The following CA10 variants were observed in gnomAD, a reference collection of about 807,000 sequenced individuals.
The protein encoded by CA10 is carbonic anhydrase 10 (inactive).
In CA10, 14 loss-of-function variants were observed where a neutral mutation model predicts 44.2. That is an observed-to-expected ratio of 0.32 (90% CI 0.21 to 0.50). The LOEUF (loss-of-function observed/expected upper bound fraction) is 0.50. Among genes scored for constraint, CA10 ranks in the 20% least tolerant of loss-of-function variants. CA10 has a pLI of 0.99. For synonymous variants in CA10, 159 were observed against 141.6 expected (o/e 1.12, Z -0.87); for missense variants, 350 against 409.7 (o/e 0.85, Z 1.26).
Position 51,926,459 on chromosome 17 carries a change from T to C in CA10, c.279+4531A>G, listed in dbSNP as rs556650020. 2.8e-4 allele frequency among the ~76,000 whole-genome samples: 43 copies of C among 152,316 alleles called. No homozygotes were observed. In the South Asian group the frequency reaches 5.2e-3, roughly 18 times the overall value. ...AGATTCCTTTTGGCACTGCAACAAA[T>C]TACCCCATAATTAGTGGCTCAAGTG... On this transcript the variant is annotated intron_variant, in intron 3 of 8. Transcript: ENST00000451037.
chr17:52,127,546 C>T (rs2143337369), intron 1 of CA10, among the ~76,000 whole-genome samples: 1 of 152,240 alleles, frequency 6.6e-6, no homozygotes, highest in Admixed American at 6.5e-5. Context: ...ACAATGTACA[C>T]TTCCACCAAC....
intron 1 of CA10, among the ~76,000 whole-genome samples, chr17:52,157,167 G>A (rs190663381): frequency 5.1e-4 from 78 of 152,256 alleles, no homozygotes; most frequent in Admixed American, 2.0e-3. Context: ...AAATTGGGGG[G>A]GTAGAGGAGG....
intron 3 of CA10, among the ~76,000 whole-genome samples, chr17:51,751,958 C>T (rs2143615863): frequency 6.6e-6 from 1 of 152,206 alleles, no homozygotes; most frequent in African/African-American, 2.4e-5. Flanking sequence ...TTGAACAAAG[C>T]CAGTCCCTCT....
At chr17:51,689,296 G>C (rs1915108963) in intron 4 of CA10, among the ~76,000 whole-genome samples, 1 of 152,190 alleles carries the variant, frequency 6.6e-6, no homozygotes, top group Non-Finnish European at 1.5e-5. Flanking sequence ...GAATCCTAAG[G>C]CTTAGCGAGG....
At chr17:51,991,545 C>T (rs1347446096) in intron 2 of CA10, among the ~76,000 whole-genome samples, 3 of 152,122 alleles carry the variant, frequency 2.0e-5, no homozygotes, top group Admixed American at 2.0e-4. Context: ...CGTGGTGGCT[C>T]ACACCTGTAA....
At chr17:51,895,494 T>G (rs1981031010) in intron 3 of CA10, among the ~76,000 whole-genome samples, 1 of 151,964 alleles carries the variant, frequency 6.6e-6, no homozygotes, top group Non-Finnish European at 1.5e-5. Context: ...TTCAGCAAGA[T>G]AAAGTTGAAA....
chr17:51,906,036 A>G (rs908795919), intron 3 of CA10, among the ~76,000 whole-genome samples: 2 of 151,962 alleles, frequency 1.3e-5, no homozygotes, highest in Non-Finnish European at 2.9e-5. Context: ...GTGGAGGAGG[A>G]CTTGACACCT....
chr17:51,668,339 C>T (rs1412039882), intron 4 of CA10, among the ~76,000 whole-genome samples: 1 of 152,216 alleles, frequency 6.6e-6, no homozygotes, highest in Non-Finnish European at 1.5e-5. Flanking sequence ...AGAAACCCAG[C>T]TCTTGCAGGC....
At position 51,682,491 on chromosome 17, in the gene CA10, G is replaced by A. The variant is rs564652293; in HGVS notation, c.466-28755C>T. 8.1e-4 allele frequency among the ~76,000 whole-genome samples: 124 copies of A among 152,320 alleles called. 1 individual carries two copies. Among genetic ancestry groups the A allele is most frequent in the Non-Finnish European group, 1.3e-3 (91 of 68,036 alleles). ...GAAGGTGGGTTTTATAAATCAGCAGGTAAGTAAAATAAATGCGTTGGGCTA... is the reference window on the plus strand; with the variant it reads ...GAAGGTGGGTTTTATAAATCAGCAGATAAGTAAAATAAATGCGTTGGGCTA... On this transcript the variant is annotated intron_variant, in intron 4 of 8. Transcript: ENST00000451037.
intron 2 of CA10, among the ~76,000 whole-genome samples, chr17:51,971,035 A>C (rs1307054108): frequency 6.6e-6 from 1 of 152,042 alleles, no homozygotes; most frequent in African/African-American, 2.4e-5. Context: ...AGTGGGTATG[A>C]TCTAAATATG....
At chr17:51,672,821 C>T (rs1252435954) in intron 4 of CA10, among the ~76,000 whole-genome samples, 2 of 152,194 alleles carry the variant, frequency 1.3e-5, no homozygotes, top group African/African-American at 4.8e-5. Context: ...TCTACCAGCC[C>T]AGATCCCTCA....
At chr17:51,812,325 A>T (rs1444872687) in intron 3 of CA10, among the ~76,000 whole-genome samples, 1 of 152,230 alleles carries the variant, frequency 6.6e-6, no homozygotes, top group African/African-American at 2.4e-5. Context: ...GTACATTAGC[A>T]TTGGTTGCAT....
At chr17:51,654,241 C>G (rs1913694130) in intron 4 of CA10, among the ~76,000 whole-genome samples, 1 of 152,238 alleles carries the variant, frequency 6.6e-6, no homozygotes, top group Non-Finnish European at 1.5e-5. Flanking sequence ...ATGGATCAGG[C>G]TTCTGATGCA....
At chr17:51,932,116 G>T (rs1202239030) in intron 2 of CA10, among the ~76,000 whole-genome samples, 1 of 152,012 alleles carries the variant, frequency 6.6e-6, no homozygotes, top group Non-Finnish European at 1.5e-5. Context: ...CTCGAGGAAG[G>T]CAGGTAAGCA....
At chr17:51,641,785 A>G (rs2143238036) in intron 6 of CA10, among the ~76,000 whole-genome samples, 1 of 121,200 alleles carries the variant, frequency 8.3e-6, no homozygotes, top group Non-Finnish European at 1.9e-5. Context: ...CTCAGTCTGA[A>G]CTTTTTTTTT....
chr17:52,041,795 T>A (rs1202302578), intron 2 of CA10, among the ~76,000 whole-genome samples: 2 of 152,134 alleles, frequency 1.3e-5, no homozygotes, highest in Admixed American at 1.3e-4. Context: ...TCTGCTTCTA[T>A]GAGTTCTAAT....
At chr17:51,851,372 G>T (rs1978787728) in intron 3 of CA10, among the ~76,000 whole-genome samples, 1 of 152,138 alleles carries the variant, frequency 6.6e-6, no homozygotes, top group African/African-American at 2.4e-5. Flanking sequence ...AACAGAGCCA[G>T]CCAAACCTGC....
intron 3 of CA10, among the ~76,000 whole-genome samples, chr17:51,857,451 G>A (rs1189638396): frequency 6.6e-6 from 1 of 152,174 alleles, no homozygotes; most frequent in Non-Finnish European, 1.5e-5. Flanking sequence ...AAAAGCCAGA[G>A]ATGAAAAGTA....
upstream of CA10, chr17:52,158,724 G>C (rs1989875606): frequency 6.6e-6 from 1 of 152,574 alleles, no homozygotes. Flanking sequence ...CAACTGCAGG[G>C]GTCGTTATTT....
Sources: gnomAD v4.1 joint callset for allele counts (sites outside exome capture counted in the v4.1 genomes callset) on GRCh38, gnomAD v4.1.1 for gene constraint, MANE v1.5 for transcripts, NCBI Gene and HGNC (gene_info 2026-07-23, HGNC 2026-07-21) for gene names.